The following STARD13 variants were observed in gnomAD, a reference collection of about 807,000 sequenced individuals.
The protein encoded by STARD13 is StAR related lipid transfer domain containing 13.
A neutral mutation model predicts 106.4 loss-of-function variants in STARD13; 62 were observed. The ratio of observed to expected loss-of-function variants is 0.58; its 90% CI spans 0.48 to 0.72. The LOEUF is 0.72. STARD13 is among the 30% of genes least tolerant of loss of function. The pLI, the probability that STARD13 is intolerant of heterozygous loss-of-function variation, is 0.00. For synonymous variants in STARD13, 565 were observed against 553.0 expected, an observed-to-expected ratio of 1.02 and a Z score of -0.31; for missense variants, 1,387 against 1,424.0, an observed-to-expected ratio of 0.97 and a Z score of 0.42.
the STARD13 span, among the ~76,000 whole-genome samples, chr13:33,420,454 C>A: frequency 6.6e-6 from 1 of 152,180 alleles, no homozygotes; most frequent in African/African-American, 2.4e-5. Context: ...ATTTATAAAG[C>A]AAGTCCTTAG....
At chr13:33,380,830 G>C in the STARD13 span, among the ~76,000 whole-genome samples, 4 of 152,276 alleles carry the variant, frequency 2.6e-5, no homozygotes, top group African/African-American at 9.6e-5. Flanking sequence ...GTGGGGAAGG[G>C]GGGTGTGTTC....
At chr13:33,288,538 G>T (rs569811490), upstream of STARD13, among the ~76,000 whole-genome samples, 1 of 151,062 alleles carries the variant, frequency 6.6e-6, no homozygotes, top group Non-Finnish European at 1.5e-5. Flanking sequence ...GCTTCCCAAA[G>T]TGGTAGGATT....
In STARD13 at chr13:33,177,842, AAAGG is replaced by A. The variant is rs1365139255; in HGVS notation, c.170-10224_170-10221del. Among the ~76,000 whole-genome samples, 57 of 11,558 alleles carry A rather than the reference AAAGG, an allele frequency of 4.9e-3. 5 individuals carry two copies. Among genetic ancestry groups the A allele is most frequent in the African/African-American group, 0.013 (21 of 1,636 alleles). 7.6% of individuals were successfully genotyped at this position (11,558 alleles called of 152,430 possible). On this transcript the variant is annotated intron_variant, in intron 1 of 13. Coordinates refer to ENST00000336934, the MANE Select transcript of STARD13 (RefSeq NM_178006.4). ...GAAGGAAGGAAGGAAGGAAGGAAGGAAAGGAAGGAAGGAAGGAAGGAAGGAAGGA... is the reference window on the plus strand; with the variant it reads ...GAAGGAAGGAAGGAAGGAAGGAAGGAAAGGAAGGAAGGAAGGAAGGAAGGA...
intron 5 of STARD13, among the ~76,000 whole-genome samples, chr13:33,128,068 C>A (rs1218377158): frequency 1.3e-5 from 2 of 151,598 alleles, no homozygotes; most frequent in African/African-American, 2.4e-5. Flanking sequence ...GAGAGACAGA[C>A]AGAGACAGAA....
intron 1 of STARD13, among the ~76,000 whole-genome samples, chr13:33,244,917 T>A (rs1272961073): frequency 2.0e-5 from 3 of 152,202 alleles, no homozygotes; most frequent in Non-Finnish European, 4.4e-5. Flanking sequence ...AATTCGGTTG[T>A]CATGTAGCAA....
chr13:33,551,562 CT>C, the STARD13 span, among the ~76,000 whole-genome samples: 1 of 79,272 alleles, frequency 1.3e-5, no homozygotes, highest in African/African-American at 4.5e-5. Flanking sequence ...CAAGCTTTTG[CT>C]TTTCCCTTTT....
At chr13:33,565,632 T>G in the STARD13 span, among the ~76,000 whole-genome samples, 2 of 148,024 alleles carry the variant, frequency 1.4e-5, no homozygotes, top group African/African-American at 5.0e-5. Flanking sequence ...TTCTAATCCA[T>G]AAGTTGAGAG....
At chr13:33,631,526 C>T in the STARD13 span, among the ~76,000 whole-genome samples, 6 of 152,172 alleles carry the variant, frequency 3.9e-5, no homozygotes, top group Non-Finnish European at 8.8e-5. Context: ...ATTCCAGGTC[C>T]TAATGCTGAT....
At chr13:33,222,812 T>A (rs1269861109) in intron 1 of STARD13, among the ~76,000 whole-genome samples, 7 of 152,262 alleles carry the variant, frequency 4.6e-5, no homozygotes, top group Non-Finnish European at 7.3e-5. Flanking sequence ...CAGCAAAATG[T>A]TCAAAATTCC....
chr13:33,475,403 T>C, the STARD13 span, among the ~76,000 whole-genome samples: 1 of 152,184 alleles, frequency 6.6e-6, no homozygotes, highest in African/African-American at 2.4e-5. Flanking sequence ...TGTAATTGGT[T>C]CTGTGGATAC....
chr13:33,198,771 A>C (rs1038108992), intron 1 of STARD13, among the ~76,000 whole-genome samples: 2 of 152,166 alleles, frequency 1.3e-5, no homozygotes, highest in African/African-American at 4.8e-5. Context: ...TATATACTTA[A>C]ATGGACAGGT....
chr13:33,358,527 G>C, the STARD13 span, among the ~76,000 whole-genome samples: 1 of 152,206 alleles, frequency 6.6e-6, no homozygotes, highest in Non-Finnish European at 1.5e-5. Context: ...TTTAGCTCAA[G>C]GTTTGTGAGT....
intron 1 of STARD13, among the ~76,000 whole-genome samples, chr13:33,323,696 T>A (rs1893640679): frequency 6.6e-6 from 1 of 152,204 alleles, no homozygotes; most frequent in African/African-American, 2.4e-5. Context: ...TGGCCTTCAA[T>A]TAACTTAATG....
At position 33,338,726 on chromosome 13, in the gene STARD13, T is replaced by C. The variant is rs1219124146; in HGVS notation, c.124+11564A>G. ...GGTGAAACCCTGTCTCTACTAAAAATACAAAAAATTAGCCAGGCGTGGTGG... is the reference window on the plus strand; with the variant it reads ...GGTGAAACCCTGTCTCTACTAAAAACACAAAAAATTAGCCAGGCGTGGTGG... On this transcript the variant is annotated intron_variant, in intron 1 of 5. Coordinates refer to the STARD13 transcript ENST00000567873. Among the ~76,000 whole-genome samples, 3 of 151,534 alleles carry C rather than the reference T, an allele frequency of 2.0e-5. No individual in the cohort carries two copies. The East Asian group carries it at 5.8e-4, about 29-fold the overall frequency.
At chr13:33,446,378 G>A in the STARD13 span, among the ~76,000 whole-genome samples, 1 of 151,788 alleles carries the variant, frequency 6.6e-6, no homozygotes, top group African/African-American at 2.4e-5. Flanking sequence ...AAGAGACAGG[G>A]ATGATCACAA....
At chr13:33,158,258 C>T (rs1313470488) in intron 3 of STARD13, among the ~76,000 whole-genome samples, 2 of 152,166 alleles carry the variant, frequency 1.3e-5, no homozygotes, top group African/African-American at 4.8e-5. Flanking sequence ...AGAGCCAGGC[C>T]TTGGTCCTCC....
At chr13:33,535,013 C>T in the STARD13 span, among the ~76,000 whole-genome samples, 7 of 151,924 alleles carry the variant, frequency 4.6e-5, no homozygotes, top group Non-Finnish European at 1.0e-4. Flanking sequence ...GTCAGGAGTT[C>T]GAGAACAGCC....
intron 1 of STARD13, among the ~76,000 whole-genome samples, chr13:33,189,417 T>G (rs1566062173): frequency 1.1e-5 from 1 of 95,214 alleles, no homozygotes; most frequent in African/African-American, 3.8e-5. Flanking sequence ...CCTCCTGCTT[T>G]CCCTCCTTCC....
At chr13:33,638,994 C>T in the STARD13 span, among the ~76,000 whole-genome samples, 1 of 151,776 alleles carries the variant, frequency 6.6e-6, no homozygotes, top group African/African-American at 2.4e-5. Context: ...TCATTCTTTC[C>T]GCAGATATTT....
Sources: allele counts gnomAD v4.1 joint callset (sites outside exome capture counted in the v4.1 genomes callset), GRCh38; gene constraint gnomAD v4.1.1; transcripts MANE v1.5; gene names NCBI Gene and HGNC (gene_info 2026-07-23, HGNC 2026-07-21).